Variants in ATE1 observed in about 807,000 individuals in gnomAD.
ATE1 encodes the protein arginyltransferase 1.
ATE1 carries 36 observed loss-of-function variants against 70.5 expected under a neutral mutation model. The observed-to-expected ratio is 0.51, with a 90% CI of 0.39 to 0.67. The LOEUF (loss-of-function observed/expected upper bound fraction) is 0.67. ATE1 is among the 30% of genes least tolerant of loss of function. The pLI is 0.00. For synonymous variants in ATE1, 232 were observed against 219.3 expected (o/e 1.06, Z -0.51); for missense variants, 593 against 629.5 (o/e 0.94, Z 0.62).
intron 5 of ATE1, among the ~76,000 whole-genome samples, chr10:121,908,429 C>T (rs974147395): frequency 2.6e-5 from 4 of 152,146 alleles, no homozygotes; most frequent in South Asian, 4.2e-4. Flanking sequence ...CACTGGAACC[C>T]GGAGGTGGAG....
chr10:121,829,495 G>C (rs1380819762), intron 10 of ATE1, among the ~76,000 whole-genome samples: 1 of 151,436 alleles, frequency 6.6e-6, no homozygotes, highest in East Asian at 1.9e-4. Flanking sequence ...GGATCACGAG[G>C]TCAGGAGTTC....
chr10:121,918,879 G>A (rs1018401340), intron 3 of ATE1, among the ~76,000 whole-genome samples: 5 of 152,144 alleles, frequency 3.3e-5, no homozygotes, highest in African/African-American at 9.7e-5. Flanking sequence ...GCTCTCTGTA[G>A]CTAGGATTGT....
At chr10:121,835,653 G>A (rs889450718) in intron 10 of ATE1, among the ~76,000 whole-genome samples, 1 of 152,050 alleles carries the variant, frequency 6.6e-6, no homozygotes, top group Admixed American at 6.6e-5. Context: ...ATTTGGAAAC[G>A]CTGCTAATAC....
intron 1 of ATE1, 82 bp downstream of exon 1, chr10:121,927,762 C>G: frequency 2.1e-6 from 3 of 1,450,308 alleles, no homozygotes; most frequent in Non-Finnish European, 2.7e-6. Flanking sequence ...GGCTCCGGCC[C>G]CCTCGCGTCC....
At chr10:121,785,586 G>C (rs1183583189) in intron 11 of ATE1, among the ~76,000 whole-genome samples, 1 of 152,068 alleles carries the variant, frequency 6.6e-6, no homozygotes, top group Non-Finnish European at 1.5e-5. Context: ...AAGAATGATG[G>C]GCAGAGTAGA....
intron 7 of ATE1, among the ~76,000 whole-genome samples, chr10:121,882,495 T>C (rs1441016572): frequency 6.6e-6 from 1 of 152,210 alleles, no homozygotes; most frequent in Admixed American, 6.5e-5. Context: ...TTGTGTTGTA[T>C]ACAAATGAGG....
chr10:121,887,713 C>T (rs9630107), intron 7 of ATE1, among the ~76,000 whole-genome samples: 20,054 of 151,422 alleles, frequency 0.13, 1,522 homozygotes, highest in East Asian at 0.19. Context: ...TCTCAAAAAA[C>T]GATAAGAAGA....
chr10:121,803,718 A>G (rs1042813221), intron 10 of ATE1, among the ~76,000 whole-genome samples: 1 of 152,232 alleles, frequency 6.6e-6, no homozygotes, highest in African/African-American at 2.4e-5. Context: ...ATCTGGAGCC[A>G]TGATTTTTTC....
At chr10:121,900,715 C>T (rs11200237) in intron 6 of ATE1, among the ~76,000 whole-genome samples, 3 of 152,058 alleles carry the variant, frequency 2.0e-5, no homozygotes, top group East Asian at 3.9e-4. Context: ...TGCCGTGAGA[C>T]GTAATTCTAT....
At chr10:121,827,075 G>A (rs1182566038) in intron 10 of ATE1, among the ~76,000 whole-genome samples, 9 of 151,052 alleles carry the variant, frequency 6.0e-5, no homozygotes, top group African/African-American at 9.7e-5. Context: ...GTGCAGTGGC[G>A]CAATCCCAGC....
chr10:121,850,970 A>C (rs945183665), intron 8 of ATE1, among the ~76,000 whole-genome samples: 75 of 151,852 alleles, frequency 4.9e-4, no homozygotes, highest in Admixed American at 4.3e-3. Context: ...GGGAGGCTGG[A>C]GTCCCAGTTA....
rs1243833566 is a variant in ATE1 at position 121,743,530 on chromosome 10, C to T, written c.*150G>A. ...CTATGAGATTCTCACAGATACATTG[C>T]CACAAAATATTTTTTAAAAGCCATA... On this transcript the variant is annotated 3_prime_UTR_variant, in exon 12 of 12. Transcript: ENST00000224652. The T allele has an allele frequency of 2.4e-5, 32 of 1,324,002 alleles. No homozygotes were observed. Among genetic ancestry groups the T allele is most frequent in the Non-Finnish European group, 3.0e-5 (31 of 1,037,858 alleles). 82.0% of individuals were successfully genotyped at this position (1,324,002 alleles called of 1,614,324 possible).
At chr10:121,924,352 A>C (rs1371787436) in intron 1 of ATE1, 23 bp from the exon 2 acceptor site, 1 of 1,605,610 alleles carries the variant, frequency 6.2e-7, no homozygotes, top group Non-Finnish European at 8.5e-7. Flanking sequence ...GTAGTGTGTT[A>C]ATTACGGCAG....
At chr10:121,872,213 A>G (rs929822513) in intron 7 of ATE1, among the ~76,000 whole-genome samples, 3 of 152,238 alleles carry the variant, frequency 2.0e-5, no homozygotes, top group Non-Finnish European at 4.4e-5. Flanking sequence ...AATGAAGACA[A>G]GAATATAAAT....
intron 10 of ATE1, among the ~76,000 whole-genome samples, chr10:121,795,549 T>A (rs1241568433): frequency 6.6e-6 from 1 of 152,240 alleles, no homozygotes; most frequent in Admixed American, 6.5e-5. Context: ...ACTCAGTTTA[T>A]CTCACTCGAA....
intron 7 of ATE1, among the ~76,000 whole-genome samples, chr10:121,888,907 G>A (rs999632769): frequency 6.6e-6 from 1 of 152,174 alleles, no homozygotes; most frequent in Non-Finnish European, 1.5e-5. Context: ...CTTACATTAA[G>A]TATAAAACAG....
intron 7 of ATE1, among the ~76,000 whole-genome samples, chr10:121,876,732 C>T (rs948343363): frequency 2.6e-5 from 4 of 151,906 alleles, no homozygotes; most frequent in Admixed American, 2.0e-4. Context: ...TTTGGGAGGC[C>T]GAGGCGGGCG....
At chr10:121,904,253 A>G (rs1368791444) in intron 5 of ATE1, among the ~76,000 whole-genome samples, 1 of 151,756 alleles carries the variant, frequency 6.6e-6, no homozygotes, top group African/African-American at 2.4e-5. Context: ...AAGTGCTAGG[A>G]TTACGGGCGT....
rs372205943 is a variant in ATE1 at position 121,841,120 on chromosome 10, A to C, written c.1119T>G (p.Asp373Glu). The C allele has an allele frequency of 1.9e-6, 3 of 1,580,908 alleles. No homozygotes were observed. In the African/African-American group the frequency reaches 4.0e-5, roughly 21 times the overall value. Residue 373 changes from aspartate (D) to glutamate (E), a missense_variant, in exon 9 of 12, where the codon GAT becomes GAG. By Grantham distance (45) the Asp-to-Glu change is conservative. Transcript: ENST00000224652. ...VSSVYLYYDP[D>E]YSFLSLGVYS... ...AGACGCCCAAAGACAAAAACGAATA[A>C]TCAGGATCGTAGTACAAATACACAG...
Sources: gnomAD v4.1 joint callset for allele counts (sites outside exome capture counted in the v4.1 genomes callset) on GRCh38, gnomAD v4.1.1 for gene constraint, MANE v1.5 for transcripts, NCBI Gene and HGNC (gene_info 2026-07-23, HGNC 2026-07-21) for gene names.